SLC17A7: variants seen among roughly 807,000 people sequenced by gnomAD.
SLC17A7 encodes vesicular glutamate transporter 1.
Under a neutral mutation model 59.1 loss-of-function variants are expected in SLC17A7, and 15 were observed. The observed-to-expected ratio is 0.25, with a 90% CI of 0.17 to 0.39. The LOEUF is 0.39. Ranked by LOEUF, SLC17A7 falls within the 10% of genes least tolerant of loss-of-function variation. The pLI, the probability that SLC17A7 is intolerant of heterozygous loss-of-function variation, is 1.00. For synonymous variants in SLC17A7, 353 were observed against 308.9 expected (o/e 1.14, Z -1.50); for missense variants, 499 against 765.1 (o/e 0.65, Z 4.10).
At chr19:49,440,389 T>A (rs1471435080) in intron 1 of SLC17A7, among the ~76,000 whole-genome samples, 1 of 152,158 alleles carries the variant, frequency 6.6e-6, no homozygotes, top group Non-Finnish European at 1.5e-5. Context: ...GCTGAGTAAT[T>A]TATCTGACTT....
chr19:49,431,052 A>G lies in SLC17A7; in HGVS notation c.1352T>C (p.Val451Ala). Residue 451 changes from valine (V) to alanine (A), a missense_variant, in exon 11 of 12, where the codon GTG becomes GCG. By Grantham distance (64) the Val-to-Ala change is moderately conservative (BLOSUM62 0). This residue lies in a region of SLC17A7 where 323 missense variants were observed against 607.2 expected (regional missense o/e 0.53). Transcript: ENST00000221485. This position sits in a 1 kb window ranked among gnomAD's most constrained non-coding sequence, Gnocchi z 4.6. ...SNGVGTLSGM[V>A]CPIIVGAMTK... ...CATGGCCCCCACGATGATGGGGCAC[A>G]CCATGCCCGACAGTGTGCCCACGCC... 1 of 1,613,432 alleles carries G rather than the reference A, an allele frequency of 6.2e-7. No homozygotes were observed. Among genetic ancestry groups the G allele is most frequent in the Non-Finnish European group, 8.5e-7 (1 of 1,179,904 alleles).
At position 49,440,630 on chromosome 19, in the gene SLC17A7, C is replaced by G. The variant is rs963160593; in HGVS notation, c.62+688G>C. On this transcript the variant is annotated intron_variant, in intron 1 of 11. Coordinates refer to ENST00000221485, the MANE Select transcript of SLC17A7 (RefSeq NM_020309.4). ...TGACTTCTTCCACCCAGCCTCACCC[C>G]CTCAAGGACAACGGGCTATGAGCCC... is the stretch of plus-strand genomic sequence containing the variant. 1.7e-4 allele frequency among the ~76,000 whole-genome samples: 26 copies of G among 152,330 alleles called. 1 individual carries two copies. The highest frequency in any genetic ancestry group is 5.5e-4 in the African/African-American group (23 of 41,560).
In SLC17A7 at chr19:49,436,491, C is replaced by A. The variant is rs1161214488; in HGVS notation, c.315+58G>T. On this transcript the variant is annotated intron_variant, in intron 2 of 11. Coordinates refer to ENST00000221485, the MANE Select transcript of SLC17A7 (RefSeq NM_020309.4). This position sits in a 1 kb window ranked among gnomAD's most constrained non-coding sequence, Gnocchi z 4.1. ...GTGGGTGAGTGTGACGTCATGGGGG[C>A]GTAGGCGGAGCTCGGTGAGCGGGGC... 8 of 1,583,042 alleles carry A rather than the reference C, an allele frequency of 5.1e-6. No homozygotes were observed. The highest frequency in any genetic ancestry group is 2.7e-5 in the African/African-American group (2 of 74,586).
rs1261732310 is a variant in SLC17A7, at chr19:49,432,409, C to T, written c.1150+110G>A. 7 of 1,418,956 alleles carry T rather than the reference C, an allele frequency of 4.9e-6. No individual in the cohort carries two copies. The Admixed American group carries it at 6.6e-5, about 13-fold the overall frequency. The allele number at this position is 1,418,956 out of a possible 1,614,324, so 87.9% of individuals were successfully genotyped here. A position where few individuals can be genotyped will look rare whatever the true frequency, so the allele number is the denominator to read the frequency against. On this transcript the variant is annotated intron_variant, in intron 9 of 11. Coordinates refer to ENST00000221485, the MANE Select transcript of SLC17A7 (RefSeq NM_020309.4). ...ACGGCCCTTTGCATAGAAAGGGACTCCTGGGGCAGGCTGGATGGTTTCCGC... is the reference window on the plus strand; with the variant it reads ...ACGGCCCTTTGCATAGAAAGGGACTTCTGGGGCAGGCTGGATGGTTTCCGC...
In SLC17A7 at chr19:49,431,988, C is replaced by A. The variant is rs1012363565; in HGVS notation, c.1150+531G>T. Among the ~76,000 whole-genome samples, 1 of 152,074 alleles carries A rather than the reference C, an allele frequency of 6.6e-6. No individual in the cohort carries two copies. Among genetic ancestry groups the A allele is most frequent in the African/African-American group, 2.4e-5 (1 of 41,392 alleles). ...TTTAATTTTTCTAGAAACAAAGTCT[C>A]GCTCTGTCGCCCAGGCTGGAGTGCT... On this transcript the variant is annotated intron_variant, in intron 9 of 11. Transcript: ENST00000221485. This position sits in a 1 kb window ranked among gnomAD's most constrained non-coding sequence, Gnocchi z 4.6.
Position 49,436,724 on chromosome 19 carries a change from C to T in SLC17A7, c.140G>A (p.Arg47Gln), listed in dbSNP as rs114308190. Reference protein sequence around the residue: ...ADGRPVTTQTRDPPVVDCTCF... With the variant: ...ADGRPVTTQTQDPPVVDCTCF... Reference sequence around the variant, plus strand: ...GGTGCAGTCCACCACCGGCGGGTCCCGGGTCTGCGTGGTCACCGGGCGCCC... The same window carrying T: ...GGTGCAGTCCACCACCGGCGGGTCCTGGGTCTGCGTGGTCACCGGGCGCCC... Residue 47 changes from arginine to glutamine, a missense_variant, in exon 2 of 12, where the codon CGG becomes CAG. By Grantham distance (43) the Arg-to-Gln change is conservative. This residue lies in a region of SLC17A7 where 78 missense variants were observed against 80.4 expected (regional missense o/e 0.97). Coordinates refer to ENST00000221485, the MANE Select transcript of SLC17A7 (RefSeq NM_020309.4). This position sits in a 1 kb window ranked among gnomAD's most constrained non-coding sequence, Gnocchi z 4.1. 1,698 of 1,611,980 alleles carry T rather than the reference C, an allele frequency of 1.1e-3. 13 individuals carry two copies. The African/African-American group carries it at 0.02, about 19-fold the overall frequency.
At position 49,435,290 on chromosome 19, in the gene SLC17A7, C is replaced by T. The variant is rs368643905; in HGVS notation, c.316-4G>A. ...GATCCCAGCTGAACTGGGCTTTCTG[C>T]GGGCCAAAATGTACATTAAATCAGC... On this transcript the variant is annotated splice_region_variant and splice_polypyrimidine_tract_variant and intron_variant, in intron 2 of 11. Coordinates refer to ENST00000221485, the MANE Select transcript of SLC17A7 (RefSeq NM_020309.4). The T allele has an allele frequency of 1.4e-4, 229 of 1,608,086 alleles. No homozygotes were observed. Among genetic ancestry groups the T allele is most frequent in the Non-Finnish European group, 1.7e-4 (196 of 1,174,916 alleles).
rs977663531 is a variant in SLC17A7, at chr19:49,437,001, C to G, written c.63-200G>C. ...CTCCATCTCCCTCAGACCGGGAATTCAGGCCCCCAGCCCCCTCCTTCTTCA... is the reference window on the plus strand; with the variant it reads ...CTCCATCTCCCTCAGACCGGGAATTGAGGCCCCCAGCCCCCTCCTTCTTCA... On this transcript the variant is annotated intron_variant, in intron 1 of 11. Coordinates refer to ENST00000221485, the MANE Select transcript of SLC17A7 (RefSeq NM_020309.4). 13 of 709,310 alleles carry G rather than the reference C, an allele frequency of 1.8e-5. No homozygotes were observed. The African/African-American group carries it at 2.3e-4, about 13-fold the overall frequency. 43.9% of individuals were successfully genotyped at this position (709,310 alleles called of 1,614,324 possible). A position where few individuals can be genotyped will look rare whatever the true frequency, so the allele number is the denominator to read the frequency against.
chr19:49,433,650 T>C lies in SLC17A7; in HGVS notation c.867+76A>G. 6.4e-7 allele frequency: 1 copy of C among 1,572,164 alleles called. No homozygotes were observed. The highest frequency in any genetic ancestry group is 1.5e-5 in the African/African-American group (1 of 66,938). On this transcript the variant is annotated intron_variant, in intron 7 of 11. Coordinates refer to ENST00000221485, the MANE Select transcript of SLC17A7 (RefSeq NM_020309.4). This position sits in a 1 kb window ranked among gnomAD's most constrained non-coding sequence, Gnocchi z 5.7. Reference sequence around the variant, plus strand: ...TCTCCTCTAGAGTCTGCAGGAACCGTCCCTGATCTACACGCTGTGCAGGTT... The same window carrying C: ...TCTCCTCTAGAGTCTGCAGGAACCGCCCCTGATCTACACGCTGTGCAGGTT...
chr19:49,433,858 C>T lies in SLC17A7; in HGVS notation c.735G>A (p.Gly245=), dbSNP rs1411929314. 1 of 1,611,094 alleles carries T rather than the reference C, an allele frequency of 6.2e-7. No homozygotes were observed. The highest frequency in any genetic ancestry group is 8.5e-7 in the Non-Finnish European group (1 of 1,177,842). ...GCAGCCAGAACAGGTACCAGAAGAT[C>T]CCGAAGCTGCCTGGGGGGGTCAGGA... ...SSVFYVYGSF[G]IFWYLFWLLV... is the part of the protein sequence containing the mutation. The change falls in exon 7 of 12, where the codon GGG becomes GGA. Residue 245 remains glycine (G), a synonymous_variant. Coordinates refer to ENST00000221485, the MANE Select transcript of SLC17A7 (RefSeq NM_020309.4). The surrounding 1 kb of genome is among the most constrained non-coding windows in gnomAD (Gnocchi z 5.7).
At position 49,441,434 on chromosome 19, in the gene SLC17A7, C is replaced by T. The variant is rs2078999680; in HGVS notation, c.-55G>A. ...CGGGTCCCCCCCGCCGATCCCCCCG[C>T]CCGCGGGCCCGGGCGGCCGCGTCCG... On this transcript the variant is annotated 5_prime_UTR_variant, in exon 1 of 12. Coordinates refer to ENST00000221485, the MANE Select transcript of SLC17A7 (RefSeq NM_020309.4). The T allele has an allele frequency of 7.3e-7, 1 of 1,374,130 alleles. No individual in the cohort carries two copies. The highest frequency in any genetic ancestry group is 1.5e-5 in the South Asian group (1 of 68,700). 85.1% of individuals were successfully genotyped at this position (1,374,130 alleles called of 1,614,324 possible). A position where few individuals can be genotyped will look rare whatever the true frequency, so the allele number is the denominator to read the frequency against.
In SLC17A7 at chr19:49,432,665, T is replaced by C; in HGVS notation, c.1018-14A>G. ...CACCAGGCCTACCTGCGGGAACAGG[T>C]GTACAGGGACACTAGGGTTCGGGGC... On this transcript the variant is annotated splice_polypyrimidine_tract_variant and intron_variant, in intron 8 of 11. Coordinates refer to ENST00000221485, the MANE Select transcript of SLC17A7 (RefSeq NM_020309.4). 6.9e-7 allele frequency: 1 copy of C among 1,459,240 alleles called. No individual in the cohort carries two copies. The highest frequency in any genetic ancestry group is 3.0e-5 in the African/African-American group (1 of 33,520). 90.4% of individuals were successfully genotyped at this position (1,459,240 alleles called of 1,614,324 possible). A position where few individuals can be genotyped will look rare whatever the true frequency, so the allele number is the denominator to read the frequency against.
intron 3 of SLC17A7, 104 bp from the exon 4 acceptor site, chr19:49,434,986 A>G: frequency 8.8e-7 from 1 of 1,142,820 alleles, no homozygotes; most frequent in Non-Finnish European, 1.3e-6. Context: ...CCGGGACCCC[A>G]GGTCCCACCA....
At position 49,431,574 on chromosome 19, in the gene SLC17A7, T is replaced by A; in HGVS notation, c.1151-126A>T. ...GTCTATCCACCCCAGTCTGGCCACCTCCACGCCCAGGCCTCTTCGCGCCCT... is the reference window on the plus strand; with the variant it reads ...GTCTATCCACCCCAGTCTGGCCACCACCACGCCCAGGCCTCTTCGCGCCCT... On this transcript the variant is annotated intron_variant, in intron 9 of 11. Transcript: ENST00000221485. This position sits in a 1 kb window ranked among gnomAD's most constrained non-coding sequence, Gnocchi z 4.6. 2.7e-6 allele frequency: 2 copies of A among 736,464 alleles called. No individual in the cohort carries two copies. The highest frequency in any genetic ancestry group is 4.5e-6 in the Non-Finnish European group (2 of 447,126). The allele number at this position is 736,464 out of a possible 1,614,324, so 45.6% of individuals were successfully genotyped here.
rs1873934272 is a variant in SLC17A7, at chr19:49,431,722, C to T, written c.1151-274G>A. Among the ~76,000 whole-genome samples the T allele has an allele frequency of 6.6e-6, 1 of 152,168 alleles. No homozygotes were observed. The highest frequency in any genetic ancestry group is 6.5e-5 in the Admixed American group (1 of 15,288). On this transcript the variant is annotated intron_variant, in intron 9 of 11. Coordinates refer to ENST00000221485, the MANE Select transcript of SLC17A7 (RefSeq NM_020309.4). This position sits in a 1 kb window ranked among gnomAD's most constrained non-coding sequence, Gnocchi z 4.6. Reference sequence around the variant, plus strand: ...CCTTGACTAGGCCACTCCCCGAACACGCAGGATCCCTGCTGTGCACGCTCA... The same window carrying T: ...CCTTGACTAGGCCACTCCCCGAACATGCAGGATCCCTGCTGTGCACGCTCA...
At chr19:49,432,403 G>A in intron 9 of SLC17A7, 116 bp downstream of exon 9, 1 of 1,378,784 alleles carries the variant, frequency 7.3e-7, no homozygotes, top group Non-Finnish European at 9.8e-7. Context: ...TGCATAGAAA[G>A]GGACTCCTGG....
At position 49,436,896 on chromosome 19, in the gene SLC17A7, T is replaced by C. The variant is rs994836736; in HGVS notation, c.63-95A>G. On this transcript the variant is annotated intron_variant, in intron 1 of 11. Transcript: ENST00000221485. The surrounding 1 kb of genome is among the most constrained non-coding windows in gnomAD (Gnocchi z 4.1). Reference sequence around the variant, plus strand: ...CCAGGGCAAAACCTGCTTTTCAACATCCAGAATTCTAAGCCCGCACCTCCT... The same window carrying C: ...CCAGGGCAAAACCTGCTTTTCAACACCCAGAATTCTAAGCCCGCACCTCCT... 1.4e-6 allele frequency: 2 copies of C among 1,465,190 alleles called. No individual in the cohort carries two copies. The highest frequency in any genetic ancestry group is 2.5e-5 in the East Asian group (1 of 39,926). The allele number at this position is 1,465,190 out of a possible 1,614,324, so 90.8% of individuals were successfully genotyped here.
chr19:49,432,527 TTCA>T lies in SLC17A7; in HGVS notation c.1139_1141del (p.Met380del). On this transcript the variant is annotated inframe_deletion, in exon 9 of 12. Coordinates refer to ENST00000221485, the MANE Select transcript of SLC17A7 (RefSeq NM_020309.4). ...GGCCCCGCCCCACTCACCTCCGCAGTTCATCAACTTGCGCACGTTGGTGGTGGA... is the reference window on the plus strand; with the variant it reads ...GGCCCCGCCCCACTCACCTCCGCAGTTCAACTTGCGCACGTTGGTGGTGGA... 1 of 1,613,318 alleles carries T rather than the reference TTCA, an allele frequency of 6.2e-7. No individual in the cohort carries two copies. The highest frequency in any genetic ancestry group is 8.5e-7 in the Non-Finnish European group (1 of 1,179,732).
rs1226185492 is a variant in SLC17A7 at position 49,430,636 on chromosome 19, G to T, written c.1566C>A (p.Ser522Arg). The T allele has an allele frequency of 3.7e-6, 6 of 1,613,934 alleles. No homozygotes were observed. Among genetic ancestry groups the T allele is most frequent in the Admixed American group, 3.3e-5 (2 of 59,998 alleles). ...GGGGCTCAGCCTCATCCTCCATTTCGCTGTCGTCACTGCCAGCCAGCTGGT... is the reference window on the plus strand; with the variant it reads ...GGGGCTCAGCCTCATCCTCCATTTCTCTGTCGTCACTGCCAGCCAGCTGGT... Reference protein sequence around the residue: ...GHDQLAGSDDSEMEDEAEPPG... With the variant: ...GHDQLAGSDDREMEDEAEPPG... Residue 522 changes from serine (S) to arginine (R), a missense_variant, in exon 12 of 12, where the codon AGC becomes AGA. Ser to Arg is a moderately radical substitution (Grantham distance 110, BLOSUM62 -1). Around this residue, in one of 3 missense-constraint regions of SLC17A7, gnomAD observed 98 missense variants for 77.5 expected, o/e 1.27. Transcript: ENST00000221485.
Sources: gnomAD v4.1 joint callset for allele counts (sites outside exome capture counted in the v4.1 genomes callset) on GRCh38, gnomAD v4.1.1 for gene constraint, gnomAD v4.1.1 regional missense constraint, Gnocchi (gnomAD v3.1) non-coding constraint, MANE v1.5 for transcripts, NCBI Gene and HGNC (gene_info 2026-07-23, HGNC 2026-07-21) for gene names.